Variants in MVB12B observed in about 807,000 individuals in gnomAD.
MVB12B encodes the protein ESCRT-I complex subunit MVB12B.
MVB12B carries 16 observed loss-of-function variants against 41.6 expected under a neutral mutation model. The observed-to-expected ratio is 0.38, with a 90% CI of 0.26 to 0.58. MVB12B has a LOEUF of 0.58. Among genes scored for constraint, MVB12B ranks in the 20% least tolerant of loss-of-function variants. The pLI, the probability that MVB12B is intolerant of heterozygous loss-of-function variation, is 0.62. For missense variants in MVB12B, 274 were observed against 380.2 expected, an observed-to-expected ratio of 0.72 and a Z score of 2.32; for synonymous variants, 133 against 139.7, an observed-to-expected ratio of 0.95 and a Z score of 0.34.
At chr9:126,341,502 A>T (rs190347578) in intron 2 of MVB12B, among the ~76,000 whole-genome samples, 1 of 152,366 alleles carries the variant, frequency 6.6e-6, no homozygotes, top group African/African-American at 2.4e-5. Flanking sequence ...AGAGTGAAAG[A>T]ACACGAATCT....
chr9:126,419,060 C>CT (rs995753832), intron 6 of MVB12B, among the ~76,000 whole-genome samples: 1 of 152,198 alleles, frequency 6.6e-6, no homozygotes, highest in Non-Finnish European at 1.5e-5. Context: ...TGGCTGGCCT[C>CT]TTTGCCATCA....
chr9:126,342,098 C>T (rs576871015), intron 2 of MVB12B, among the ~76,000 whole-genome samples: 5 of 152,316 alleles, frequency 3.3e-5, no homozygotes, highest in East Asian at 1.9e-4. Context: ...CTTTGTGCCA[C>T]GAAACTCTGG....
chr9:126,434,041 T>A (rs1160641240), intron 7 of MVB12B, among the ~76,000 whole-genome samples: 1 of 152,166 alleles, frequency 6.6e-6, no homozygotes, highest in Non-Finnish European at 1.5e-5. Flanking sequence ...TCCCCCTTTT[T>A]TGTCAGAATG....
At chr9:126,375,439 C>G (rs117831771) in intron 2 of MVB12B, among the ~76,000 whole-genome samples, 1,801 of 124,386 alleles carry the variant, frequency 0.014, 16 homozygotes, top group Admixed American at 0.031. Context: ...AGGCAGTTGT[C>G]ACATGCCCAT....
At chr9:126,452,213 G>A (rs1334162761) in intron 7 of MVB12B, among the ~76,000 whole-genome samples, 2 of 152,232 alleles carry the variant, frequency 1.3e-5, no homozygotes, top group Non-Finnish European at 2.9e-5. Context: ...GGGAGAATGT[G>A]CATTTTAAAC....
At chr9:126,460,433 C>G (rs980870150) in intron 7 of MVB12B, among the ~76,000 whole-genome samples, 1 of 152,210 alleles carries the variant, frequency 6.6e-6, no homozygotes, top group African/African-American at 2.4e-5. Context: ...CAGCTCACAT[C>G]CAGCTGTGCT....
chr9:126,476,635 G>A (rs1833426918), intron 7 of MVB12B, among the ~76,000 whole-genome samples: 1 of 152,158 alleles, frequency 6.6e-6, no homozygotes, highest in South Asian at 2.1e-4. Flanking sequence ...CCAAGACTTT[G>A]GGAGGCTGAG....
At chr9:126,404,908 C>T (rs7848330) in intron 6 of MVB12B, among the ~76,000 whole-genome samples, 5 of 152,248 alleles carry the variant, frequency 3.3e-5, no homozygotes, top group Admixed American at 1.3e-4. Context: ...CTCTTGGACC[C>T]GTATCAAACT....
intron 2 of MVB12B, among the ~76,000 whole-genome samples, chr9:126,358,299 A>G (rs1219025479): frequency 6.6e-6 from 1 of 151,912 alleles, no homozygotes. Context: ...GGTCCTTCAA[A>G]TTTTAATACA....
At chr9:126,462,018 G>T (rs753067040) in intron 7 of MVB12B, among the ~76,000 whole-genome samples, 1 of 152,318 alleles carries the variant, frequency 6.6e-6, no homozygotes, top group East Asian at 1.9e-4. Flanking sequence ...CATCACTCAC[G>T]ACTAGATAAT....
At chr9:126,457,560 G>A (rs1169294993) in intron 7 of MVB12B, among the ~76,000 whole-genome samples, 2 of 152,138 alleles carry the variant, frequency 1.3e-5, no homozygotes, top group Admixed American at 1.3e-4. Context: ...GTACCTGTAT[G>A]TTGTGTACGG....
intron 9 of MVB12B, among the ~76,000 whole-genome samples, chr9:126,497,190 T>C (rs1006382111): frequency 6.6e-6 from 1 of 151,986 alleles, no homozygotes; most frequent in African/African-American, 2.4e-5. Flanking sequence ...TGGCTGGAAG[T>C]GGGGGGCCCT....
Position 126,391,516 on chromosome 9 carries a change from A to G in MVB12B, c.410-550A>G, listed in dbSNP as rs908601172. 3.3e-5 allele frequency among the ~76,000 whole-genome samples: 5 copies of G among 152,190 alleles called. No individual in the cohort carries two copies. The highest frequency in any genetic ancestry group is 1.2e-4 in the African/African-American group (5 of 41,446). On this transcript the variant is annotated intron_variant, in intron 4 of 9. Transcript: ENST00000361171. The surrounding 1 kb of genome is among the most constrained non-coding windows in gnomAD (Gnocchi z 4.4). ...TTAAAGAACAGTGTCCTGGATGCCTACTGAGGTATTGATGGTGACATAACG... is the reference window on the plus strand; with the variant it reads ...TTAAAGAACAGTGTCCTGGATGCCTGCTGAGGTATTGATGGTGACATAACG...
intron 7 of MVB12B, among the ~76,000 whole-genome samples, chr9:126,461,373 A>T (rs1457293213): frequency 6.6e-6 from 1 of 150,838 alleles, no homozygotes; most frequent in Non-Finnish European, 1.5e-5. Context: ...CACTATATAT[A>T]AAAAAAAAAA....
chr9:126,457,504 T>G (rs1295459350), intron 7 of MVB12B, among the ~76,000 whole-genome samples: 2 of 152,158 alleles, frequency 1.3e-5, no homozygotes, highest in Admixed American at 1.3e-4. Context: ...CTAGCCACCA[T>G]GAATGTTATT....
chr9:126,461,813 G>A (rs1006021519), intron 7 of MVB12B, among the ~76,000 whole-genome samples: 21 of 151,332 alleles, frequency 1.4e-4, no homozygotes, highest in African/African-American at 4.1e-4. Flanking sequence ...CCTGAGCCCC[G>A]ACTGGCTGGC....
At chr9:126,494,877 C>A (rs973155958) in intron 9 of MVB12B, among the ~76,000 whole-genome samples, 25 of 151,610 alleles carry the variant, frequency 1.6e-4, no homozygotes, top group Non-Finnish European at 2.9e-4. Context: ...CACCCCCCCC[C>A]AGGGTTGTTT....
At chr9:126,329,809 T>C (rs559210006) in intron 1 of MVB12B, among the ~76,000 whole-genome samples, 1 of 152,130 alleles carries the variant, frequency 6.6e-6, no homozygotes, top group Non-Finnish European at 1.5e-5. Context: ...AGAGCCTCCT[T>C]TGCAGGTTGG....
At chr9:126,380,254 T>C (rs539855681) in intron 2 of MVB12B, among the ~76,000 whole-genome samples, 1 of 152,104 alleles carries the variant, frequency 6.6e-6, no homozygotes, top group Admixed American at 6.5e-5. Flanking sequence ...CTAGCCTTCT[T>C]CTCCTCCTCC....
Sources: allele counts gnomAD v4.1 joint callset (sites outside exome capture counted in the v4.1 genomes callset), GRCh38; gene constraint gnomAD v4.1.1; non-coding constraint Gnocchi (gnomAD v3.1); transcripts MANE v1.5; gene names NCBI Gene and HGNC (gene_info 2026-07-23, HGNC 2026-07-21).